HTT: variants seen among roughly 807,000 people sequenced by gnomAD.
HTT encodes the protein huntington disease protein.
A neutral mutation model predicts 362.3 loss-of-function variants in HTT; 104 were observed. The observed-to-expected ratio is 0.29, with a 90% CI of 0.24 to 0.34. HTT has a LOEUF of 0.34. Among genes scored for constraint, HTT ranks in the 10% least tolerant of loss-of-function variants. The pLI is 1.00. For missense variants in HTT, 3,301 were observed against 3,928.6 expected, an observed-to-expected ratio of 0.84 and a Z score of 4.27; for synonymous variants, 1,577 against 1,548.7, an observed-to-expected ratio of 1.02 and a Z score of -0.43.
intron 1 of HTT, among the ~76,000 whole-genome samples, chr4:3,077,339 A>T (rs527605641): frequency 5.4e-4 from 82 of 152,144 alleles, no homozygotes; most frequent in Non-Finnish European, 1.1e-3. Flanking sequence ...TCAGTTCCTC[A>T]TGTATCCTGC....
intron 1 of HTT, among the ~76,000 whole-genome samples, chr4:3,075,712 C>T (rs1280711097): frequency 6.7e-6 from 1 of 149,704 alleles, no homozygotes. Context: ...GCACTTAAAA[C>T]AGCCTGAGAT....
chr4:3,217,406 A>C (rs1720461999), intron 51 of HTT, among the ~76,000 whole-genome samples: 1 of 152,232 alleles, frequency 6.6e-6, no homozygotes, highest in Admixed American at 6.5e-5. Flanking sequence ...CTGGGAGACC[A>C]GAGAAAGACG....
intron 21 of HTT, among the ~76,000 whole-genome samples, chr4:3,137,186 G>C (rs186780239): frequency 6.6e-6 from 1 of 152,050 alleles, no homozygotes. Flanking sequence ...GATTACAGGC[G>C]TGAGCCATGG....
chr4:3,102,363 A>G lies in HTT; in HGVS notation c.469-1461A>G, dbSNP rs181356830. On this transcript the variant is annotated intron_variant, in intron 3 of 66. Transcript: ENST00000355072. ...AGTTTTAGTTTTCTCTTGTTATACA[A>G]TAAGCTTGGTATTTGTTTACAAAAC... Among the ~76,000 whole-genome samples the G allele has an allele frequency of 5.3e-5, 8 of 152,366 alleles. No individual in the cohort carries two copies. In the East Asian group the frequency reaches 7.7e-4, roughly 15 times the overall value.
chr4:3,179,054 G>C (rs1718375628), intron 35 of HTT, among the ~76,000 whole-genome samples: 1 of 152,128 alleles, frequency 6.6e-6, no homozygotes, highest in Admixed American at 6.5e-5. Context: ...ACCCCTCCCT[G>C]ACTCCTTTGC....
intron 26 of HTT, among the ~76,000 whole-genome samples, chr4:3,150,929 C>A (rs1028405145): frequency 1.3e-5 from 2 of 152,150 alleles, no homozygotes; most frequent in African/African-American, 4.8e-5. Context: ...GTCCCAGCTA[C>A]CTGGGAGGCT....
At chr4:3,131,141 A>G in intron 14 of HTT, 145 bp from the exon 15 acceptor site, 1 of 645,602 alleles carries the variant, frequency 1.5e-6, no homozygotes, top group Non-Finnish European at 2.8e-6. Flanking sequence ...CTGTGAGGTC[A>G]GGTGTGCATA....
intron 40 of HTT, among the ~76,000 whole-genome samples, chr4:3,190,969 C>G (rs1419986891): frequency 6.6e-6 from 1 of 152,160 alleles, no homozygotes; most frequent in Non-Finnish European, 1.5e-5. Context: ...AAATATGAGG[C>G]AAACCAAAAT....
Position 3,240,125 on chromosome 4 carries a change from G to A in HTT, c.*66G>A, listed in dbSNP as rs1721740874. 1.7e-5 allele frequency: 24 copies of A among 1,380,352 alleles called. No homozygotes were observed. In the South Asian group the frequency reaches 3.0e-4, roughly 17 times the overall value. The allele number at this position is 1,380,352 out of a possible 1,614,324, so 85.5% of individuals were successfully genotyped here. A position where few individuals can be genotyped will look rare whatever the true frequency, so the allele number is the denominator to read the frequency against. On this transcript the variant is annotated 3_prime_UTR_variant, in exon 67 of 67. Transcript: ENST00000355072. ...GGAGCCTTTGGAAGTCTGCGCCCTT[G>A]TGCCCTGCCTCCACCGAGCCAGCTT...
chr4:3,079,947 G>C (rs1712800101), intron 1 of HTT, among the ~76,000 whole-genome samples: 1 of 152,166 alleles, frequency 6.6e-6, no homozygotes, highest in South Asian at 2.1e-4. Context: ...TAACAATTTA[G>C]CAGTAGCTTG....
intron 10 of HTT, chr4:3,123,411 T>A (rs936517435): frequency 6.5e-6 from 1 of 153,284 alleles, no homozygotes; most frequent in Non-Finnish European, 1.5e-5. Flanking sequence ...TGTGTTGTTA[T>A]ATTTTGTGAG....
intron 53 of HTT, 150 bp from the exon 54 acceptor site, chr4:3,222,237 C>T (rs1036380041): frequency 1.3e-5 from 8 of 608,700 alleles, no homozygotes; most frequent in Admixed American, 2.8e-5. Context: ...TAGTGTTCCC[C>T]GCATCATAGA....
chr4:3,220,210 CG>C lies in HTT; in HGVS notation c.7274del (p.Gly2425GlufsTer32), dbSNP rs775038833. 6.2e-7 allele frequency: 1 copy of C among 1,614,050 alleles called. No individual in the cohort carries two copies. Among genetic ancestry groups the C allele is most frequent in the Admixed American group, 1.7e-5 (1 of 60,006 alleles). On this transcript the variant is annotated frameshift_variant, in exon 53 of 67. Coordinates refer to ENST00000355072, the MANE Select transcript of HTT (RefSeq NM_001388492.1). LOFTEE classifies it high-confidence loss of function. ...LVWKLGWSPK[P>X]GGDFGTAFPE... ...TGGAAGCTTGGATGGTCACCCAAAC[CG>C]GGAGGGGATTTTGGCACAGCATTCC... is the stretch of plus-strand genomic sequence containing the variant.
chr4:3,174,347 C>G (rs774201414), intron 31 of HTT, among the ~76,000 whole-genome samples: 1 of 152,186 alleles, frequency 6.6e-6, no homozygotes, highest in Non-Finnish European at 1.5e-5. Context: ...ATTTTAAAGG[C>G]TTGTCCTCCA....
chr4:3,210,359 C>T (rs1454798523), intron 47 of HTT, among the ~76,000 whole-genome samples: 1 of 152,206 alleles, frequency 6.6e-6, no homozygotes, highest in Non-Finnish European at 1.5e-5. Context: ...TGCGTATTTG[C>T]CGTAGACTTC....
At chr4:3,111,921 C>G (rs6834455) in intron 6 of HTT, among the ~76,000 whole-genome samples, 34,164 of 152,162 alleles carry the variant, frequency 0.22, 6,332 homozygotes, top group African/African-American at 0.52. Context: ...TCTGTGGCTT[C>G]AATAAGCTTG....
chr4:3,111,698 C>A (rs1296190502), intron 6 of HTT, among the ~76,000 whole-genome samples: 1 of 152,124 alleles, frequency 6.6e-6, no homozygotes, highest in Non-Finnish European at 1.5e-5. Flanking sequence ...CTGTCCTCAG[C>A]CTATGTAAAC....
intron 64 of HTT, among the ~76,000 whole-genome samples, chr4:3,238,044 C>T (rs999522953): frequency 2.6e-5 from 4 of 152,178 alleles, no homozygotes; most frequent in Non-Finnish European, 4.4e-5. Flanking sequence ...ACATCCTTCC[C>T]GCTGCGCCGT....
chr4:3,199,790 C>A lies in HTT; in HGVS notation c.5427C>A (p.Gly1809=). 1.2e-6 allele frequency: 2 copies of A among 1,614,182 alleles called. No homozygotes were observed. Among genetic ancestry groups the A allele is most frequent in the Non-Finnish European group, 1.7e-6 (2 of 1,180,034 alleles). The part of the protein sequence containing the change: ...ATRLFRSDGC[G]GSFYTLDSLN... The stretch of plus-strand genomic sequence containing the variant: ...GGCTGTTCCGCAGTGATGGCTGTGG[C>A]GGCAGTTTCTACACCCTGGACAGCT... Residue 1809 remains glycine, a synonymous_variant, in exon 41 of 67, where the codon GGC becomes GGA. Coordinates refer to ENST00000355072, the MANE Select transcript of HTT (RefSeq NM_001388492.1).
Sources: gnomAD v4.1 joint callset for allele counts (sites outside exome capture counted in the v4.1 genomes callset) on GRCh38, gnomAD v4.1.1 for gene constraint, MANE v1.5 for transcripts, NCBI Gene and HGNC (gene_info 2026-07-23, HGNC 2026-07-21) for gene names.